The following PDZD2 variants were observed in gnomAD, a reference collection of about 807,000 sequenced individuals.
PDZD2 encodes PDZ domain-containing protein 2.
PDZD2 carries 90 observed loss-of-function variants against 220.7 expected under a neutral mutation model. The ratio of observed to expected loss-of-function variants is 0.41; its 90% CI spans 0.34 to 0.49. The LOEUF (loss-of-function observed/expected upper bound fraction) is 0.49, where lower values mean the gene tolerates loss of function less well. Ranked by LOEUF, PDZD2 falls within the 20% of genes least tolerant of loss-of-function variation. The probability of loss-of-function intolerance (pLI) is 0.28; values close to 1 mark genes in which losing one functional copy is unlikely to be tolerated. For synonymous variants in PDZD2, 1,375 were observed against 1,450.5 expected (o/e 0.95, Z 1.18); for missense variants, 3,174 against 3,608.5 (o/e 0.88, Z 3.08).
intron 2 of PDZD2, among the ~76,000 whole-genome samples, chr5:31,951,914 C>T (rs963617263): frequency 1.3e-5 from 2 of 152,164 alleles, no homozygotes; most frequent in African/African-American, 2.4e-5. Context: ...TGCCCGCAAG[C>T]GTCAGCACTA....
chr5:31,714,859 C>T (rs1013213785), intron 1 of PDZD2, among the ~76,000 whole-genome samples: 1 of 151,986 alleles, frequency 6.6e-6, no homozygotes, highest in Non-Finnish European at 1.5e-5. Context: ...GAGATTGAGA[C>T]CATCCTGGTT....
At chr5:32,105,764 A>T (rs1046269416) in intron 24 of PDZD2, among the ~76,000 whole-genome samples, 5 of 152,360 alleles carry the variant, frequency 3.3e-5, no homozygotes, top group African/African-American at 4.8e-5. Flanking sequence ...GGACAATTTT[A>T]AAAAATCTAT....
intron 1 of PDZD2, among the ~76,000 whole-genome samples, chr5:31,790,400 G>A (rs551381155): frequency 1.6e-4 from 24 of 151,874 alleles, no homozygotes; most frequent in Non-Finnish European, 2.7e-4. Context: ...TCCTGGCCCC[G>A]GGAGGTCATT....
intron 1 of PDZD2, among the ~76,000 whole-genome samples, chr5:31,661,785 G>GTTTTTTTTTTTTTTTTTT (rs5867089): frequency 1.4e-5 from 2 of 141,806 alleles, no homozygotes; most frequent in Non-Finnish European, 3.0e-5. Flanking sequence ...TCCTCCCTTG[G>GTTTTTTTTTTTTTTTTTT]TTTTTTTTTT....
intron 2 of PDZD2, among the ~76,000 whole-genome samples, chr5:31,876,788 T>C (rs1394718093): frequency 6.6e-6 from 1 of 152,234 alleles, no homozygotes; most frequent in Admixed American, 6.5e-5. Flanking sequence ...GCATTGACTC[T>C]GGAGTCAGGC....
chr5:32,003,493 C>T (rs1278774764), intron 5 of PDZD2, among the ~76,000 whole-genome samples: 5 of 137,674 alleles, frequency 3.6e-5, no homozygotes, highest in Non-Finnish European at 7.7e-5. Context: ...ACACACACAC[C>T]ACATCATAAA....
At chr5:31,976,754 G>A (rs1370082589) in intron 2 of PDZD2, among the ~76,000 whole-genome samples, 1 of 119,482 alleles carries the variant, frequency 8.4e-6, no homozygotes, top group African/African-American at 3.3e-5. Flanking sequence ...GTCTCCCTCG[G>A]TTGCCCAGGC....
intron 1 of PDZD2, among the ~76,000 whole-genome samples, chr5:31,714,215 C>T (rs1321969068): frequency 6.6e-6 from 1 of 152,194 alleles, no homozygotes; most frequent in African/African-American, 2.4e-5. Flanking sequence ...CTGGATTGGA[C>T]ATAAGGGTGG....
intron 2 of PDZD2, chr5:31,840,396 TTATATA>T (rs748170414): frequency 0.04 from 767 of 18,968 alleles, 8 homozygotes; most frequent in Non-Finnish European, 0.046. Context: ...GTCATTTTCA[TTATATA>T]TATATATATA....
In PDZD2 at chr5:32,022,364, A is replaced by ATTTTT. The variant is rs59655326; in HGVS notation, c.1407+11893_1407+11897dup. Among the ~76,000 whole-genome samples, 1,322 of 137,370 alleles carry ATTTTT rather than the reference A, an allele frequency of 9.6e-3. 25 individuals carry two copies. The highest frequency in any genetic ancestry group is 0.032 in the African/African-American group (1,184 of 36,704). The allele number at this position is 137,370 out of a possible 152,430, so 90.1% of individuals were successfully genotyped here. A position where few individuals can be genotyped will look rare whatever the true frequency, so the allele number is the denominator to read the frequency against. On this transcript the variant is annotated intron_variant, in intron 6 of 24. Coordinates refer to ENST00000438447, the MANE Select transcript of PDZD2 (RefSeq NM_178140.4). ...AGGCGCACACCGCCACTCACAGCTA[A>ATTTTT]TTTTTTTTTTTTTTTGTATTTTAGT...
chr5:31,944,345 C>A (rs1365209511), intron 2 of PDZD2, among the ~76,000 whole-genome samples: 3 of 152,188 alleles, frequency 2.0e-5, no homozygotes, highest in Admixed American at 2.0e-4. Flanking sequence ...ATGTTCTAGC[C>A]TCTCCCCAGG....
At chr5:31,788,029 G>T (rs1420034839) in intron 1 of PDZD2, among the ~76,000 whole-genome samples, 2 of 152,080 alleles carry the variant, frequency 1.3e-5, no homozygotes, top group African/African-American at 4.8e-5. Context: ...TGCCTCATAC[G>T]CACAGCCCTT....
intron 2 of PDZD2, among the ~76,000 whole-genome samples, chr5:31,846,613 C>T (rs1757600252): frequency 1.3e-5 from 2 of 152,212 alleles, no homozygotes; most frequent in Admixed American, 1.3e-4. Context: ...AGTCACCACC[C>T]CGTCTGTGTG....
intron 1 of PDZD2, among the ~76,000 whole-genome samples, chr5:31,685,211 T>C (rs1003199117): frequency 6.6e-6 from 1 of 152,292 alleles, no homozygotes; most frequent in East Asian, 1.9e-4. Flanking sequence ...TGGTTATTTT[T>C]CCAGAGGAGC....
rs138575951 is a variant in PDZD2 at position 31,874,691 on chromosome 5, G to A, written c.476+74967G>A. On this transcript the variant is annotated intron_variant, in intron 2 of 24. Coordinates refer to ENST00000438447, the MANE Select transcript of PDZD2 (RefSeq NM_178140.4). ...CAGGAGAATTGCTTGAACCAAGAAG[G>A]CAGAGGTTGCAGTGAGCTGAGATCG... Among the ~76,000 whole-genome samples, 965 of 151,608 alleles carry A rather than the reference G, an allele frequency of 6.4e-3. 7 individuals carry two copies. Among genetic ancestry groups the A allele is most frequent in the African/African-American group, 0.023 (941 of 41,276 alleles).
chr5:31,791,603 A>T lies in PDZD2; in HGVS notation c.-360-7286A>T, dbSNP rs571519094. ...GAAACTCCGTCTCAAAAAAAAAAAA[A>T]AAAAAAAAAAAGGTTAAAAAAGAAA... On this transcript the variant is annotated intron_variant, in intron 1 of 24. Coordinates refer to ENST00000438447, the MANE Select transcript of PDZD2 (RefSeq NM_178140.4). 6.0e-5 allele frequency among the ~76,000 whole-genome samples: 9 copies of T among 151,204 alleles called. No individual in the cohort carries two copies. The East Asian group carries it at 1.8e-3, about 31-fold the overall frequency.
intron 2 of PDZD2, among the ~76,000 whole-genome samples, chr5:31,826,678 A>G (rs1756243255): frequency 6.6e-6 from 1 of 151,480 alleles, no homozygotes; most frequent in South Asian, 2.1e-4. Context: ...TCTGTCTCAA[A>G]AAAAAAAAAA....
chr5:31,706,216 G>C (rs1231175475), intron 1 of PDZD2, among the ~76,000 whole-genome samples: 1 of 152,146 alleles, frequency 6.6e-6, no homozygotes, highest in Admixed American at 6.5e-5. Flanking sequence ...TTGGCTGTAT[G>C]GTCCTGTGTA....
At position 32,088,596 on chromosome 5, in the gene PDZD2, G is replaced by A; in HGVS notation, c.5148G>A (p.Arg1716=). 3.1e-6 allele frequency: 5 copies of A among 1,614,112 alleles called. No homozygotes were observed. The highest frequency in any genetic ancestry group is 4.2e-6 in the Non-Finnish European group (5 of 1,180,008). The change falls in exon 20 of 25, where the codon AGG becomes AGA. Residue 1716 remains arginine (R), a synonymous_variant. Transcript: ENST00000438447. The surrounding 1 kb of genome is among the most constrained non-coding windows in gnomAD (Gnocchi z 4.6). ...MENSPLSKVA[R]HFHSPPIILS... ...ACAGTCCGCTGTCTAAAGTAGCCAG[G>A]CATTTTCACAGTCCGCCCATCATTC...
Sources: gnomAD v4.1 joint callset for allele counts (sites outside exome capture counted in the v4.1 genomes callset) on GRCh38, gnomAD v4.1.1 for gene constraint, Gnocchi (gnomAD v3.1) non-coding constraint, MANE v1.5 for transcripts, NCBI Gene and HGNC (gene_info 2026-07-23, HGNC 2026-07-21) for gene names.